The following MAGI3 variants were observed in gnomAD, a reference collection of about 807,000 sequenced individuals.
The protein encoded by MAGI3 is membrane associated guanylate kinase, WW and PDZ domain containing 3.
In MAGI3, 43 loss-of-function variants were observed where a neutral mutation model predicts 121.8. That is an observed-to-expected ratio of 0.35 (90% CI 0.28 to 0.46). The LOEUF (loss-of-function observed/expected upper bound fraction) is 0.46. Ranked by LOEUF, MAGI3 falls within the 20% of genes least tolerant of loss-of-function variation. The pLI is 1.00. For missense variants in MAGI3, 1,547 were observed against 1,797.3 expected (o/e 0.86, Z 2.52); for synonymous variants, 553 against 639.3 (o/e 0.86, Z 2.04).
intron 1 of MAGI3, among the ~76,000 whole-genome samples, chr1:113,533,339 T>A (rs2101644338): frequency 1.3e-5 from 2 of 152,244 alleles, no homozygotes; most frequent in Middle Eastern, 6.8e-3. Flanking sequence ...CAACAACAGA[T>A]AACCAAATCC....
At position 113,683,574 on chromosome 1, in the gene MAGI3, G is replaced by A. The variant is rs750779760; in HGVS notation, c.4006G>A (p.Val1336Ile). 5.6e-6 allele frequency: 9 copies of A among 1,613,730 alleles called. No individual in the cohort carries two copies. The highest frequency in any genetic ancestry group is 1.6e-4 in the Middle Eastern group (1 of 6,084). Residue 1336 changes from valine to isoleucine, a missense_variant, in exon 21 of 21, where the codon GTC becomes ATC. Coordinates refer to ENST00000307546, the MANE Select transcript of MAGI3 (RefSeq NM_001142782.2). ...CCCAGATGGGAAGGAAAAATCAGACGTCATCAGGAAAGATGCAAAGCAGAA... is the reference window on the plus strand; with the variant it reads ...CCCAGATGGGAAGGAAAAATCAGACATCATCAGGAAAGATGCAAAGCAGAA... ...QIPDGKEKSD[V>I]IRKDAKQNQL...
intron 1 of MAGI3, among the ~76,000 whole-genome samples, chr1:113,484,141 T>G (rs747636261): frequency 7.2e-5 from 11 of 152,188 alleles, no homozygotes; most frequent in Non-Finnish European, 1.2e-4. Flanking sequence ...ATCTGGAGTT[T>G]TAAAGATGAT....
At chr1:113,411,353 A>G (rs1651968130) in intron 1 of MAGI3, among the ~76,000 whole-genome samples, 1 of 152,070 alleles carries the variant, frequency 6.6e-6, no homozygotes, top group South Asian at 2.1e-4. Flanking sequence ...CTTATTGTTA[A>G]ATTACTGTTT....
chr1:113,460,984 T>G (rs1655004711), intron 1 of MAGI3, among the ~76,000 whole-genome samples: 1 of 151,968 alleles, frequency 6.6e-6, no homozygotes, highest in Non-Finnish European at 1.5e-5. Context: ...AATTCCCAGT[T>G]GCCACAAAAA....
intron 1 of MAGI3, among the ~76,000 whole-genome samples, chr1:113,511,200 CT>C (rs1657598417): frequency 1.3e-5 from 2 of 152,270 alleles, no homozygotes; most frequent in East Asian, 3.9e-4. Context: ...CCTTTTTCCC[CT>C]ATCACATTCT....
intron 1 of MAGI3, among the ~76,000 whole-genome samples, chr1:113,415,094 C>G (rs1243205258): frequency 6.6e-6 from 1 of 152,182 alleles, no homozygotes; most frequent in African/African-American, 2.4e-5. Flanking sequence ...TTTATAGAAA[C>G]TAGAGCAACT....
At chr1:113,519,400 A>G (rs762025073) in intron 1 of MAGI3, among the ~76,000 whole-genome samples, 1 of 152,152 alleles carries the variant, frequency 6.6e-6, no homozygotes, top group Non-Finnish European at 1.5e-5. Flanking sequence ...ACTCCTATTA[A>G]ATTTCTTTTT....
chr1:113,514,949 CT>C (rs1657813536), intron 1 of MAGI3, among the ~76,000 whole-genome samples: 1 of 152,002 alleles, frequency 6.6e-6, no homozygotes, highest in Non-Finnish European at 1.5e-5. Context: ...ATTCTCACAT[CT>C]AGTAGTTCTG....
chr1:113,405,362 C>A (rs1651617045), intron 1 of MAGI3, among the ~76,000 whole-genome samples: 1 of 151,132 alleles, frequency 6.6e-6, no homozygotes, highest in Non-Finnish European at 1.5e-5. Flanking sequence ...GCCTGTATTC[C>A]CAGCTACTTG....
intron 1 of MAGI3, among the ~76,000 whole-genome samples, chr1:113,505,723 T>C (rs1220178256): frequency 6.6e-6 from 1 of 152,058 alleles, no homozygotes; most frequent in East Asian, 1.9e-4. Context: ...CTGAATGAAA[T>C]GAAGAACCAG....
At chr1:113,525,553 T>C (rs893208876) in intron 1 of MAGI3, among the ~76,000 whole-genome samples, 1 of 151,934 alleles carries the variant, frequency 6.6e-6, no homozygotes, top group South Asian at 2.1e-4. Context: ...CTTCATTTAA[T>C]AGTTAAATTA....
intron 8 of MAGI3, 107 bp downstream of exon 8, chr1:113,619,937 A>G: frequency 1.4e-6 from 1 of 700,980 alleles, no homozygotes; most frequent in Non-Finnish European, 2.5e-6. Context: ...TTGACACTAA[A>G]GAGTGTCTAG....
intron 19 of MAGI3, among the ~76,000 whole-genome samples, chr1:113,677,310 G>A (rs934462746): frequency 1.3e-5 from 2 of 152,128 alleles, no homozygotes; most frequent in East Asian, 1.9e-4. Flanking sequence ...CACAACATGC[G>A]TTTTTACTTA....
chr1:113,514,806 T>A (rs1231164307), intron 1 of MAGI3, among the ~76,000 whole-genome samples: 3 of 152,046 alleles, frequency 2.0e-5, no homozygotes, highest in Non-Finnish European at 4.4e-5. Flanking sequence ...ATTTGTACCC[T>A]TGTAGTTTTC....
chr1:113,405,132 G>A (rs936662279), intron 1 of MAGI3, among the ~76,000 whole-genome samples: 1 of 152,096 alleles, frequency 6.6e-6, no homozygotes, highest in South Asian at 2.1e-4. Context: ...CAGGGTATTC[G>A]TAACTTGTAA....
chr1:113,682,497 TATTA>T (rs1488303574), intron 20 of MAGI3: 3 of 1,319,448 alleles, frequency 2.3e-6, no homozygotes, highest in South Asian at 2.1e-5. Flanking sequence ...TGGTTTCCTT[TATTA>T]ATTAGTGATT....
At chr1:113,483,375 A>G (rs527700018) in intron 1 of MAGI3, among the ~76,000 whole-genome samples, 2 of 152,258 alleles carry the variant, frequency 1.3e-5, no homozygotes, top group Admixed American at 6.5e-5. Context: ...GTAATCAGGT[A>G]ATGAGGGTAA....
chr1:113,475,817 T>C (rs906452919), intron 1 of MAGI3, among the ~76,000 whole-genome samples: 1 of 152,214 alleles, frequency 6.6e-6, no homozygotes, highest in Non-Finnish European at 1.5e-5. Flanking sequence ...AGCTCCTCTT[T>C]GTACCTCTGG....
At chr1:113,462,400 C>A (rs567468123) in intron 1 of MAGI3, among the ~76,000 whole-genome samples, 2 of 152,278 alleles carry the variant, frequency 1.3e-5, no homozygotes, top group East Asian at 3.9e-4. Flanking sequence ...GAAATCATGT[C>A]TTTTGTGAGA....
Sources: allele counts gnomAD v4.1 joint callset (sites outside exome capture counted in the v4.1 genomes callset), GRCh38; gene constraint gnomAD v4.1.1; transcripts MANE v1.5; gene names NCBI Gene and HGNC (gene_info 2026-07-23, HGNC 2026-07-21).